NTM: variants seen among roughly 807,000 people sequenced by gnomAD.
NTM encodes IgLON family member 2.
In NTM, 13 loss-of-function variants were observed where a neutral mutation model predicts 42.1. The observed-to-expected ratio is 0.31, with a 90% CI of 0.20 to 0.49. NTM has a LOEUF of 0.49. NTM is among the 20% of genes least tolerant of loss of function. The pLI is 0.99. For missense variants in NTM, 373 were observed against 452.8 expected (o/e 0.82, Z 1.60); for synonymous variants, 187 against 179.2 (o/e 1.04, Z -0.35).
intron 3 of NTM, among the ~76,000 whole-genome samples, chr11:132,183,743 G>C (rs951554016): frequency 1.3e-5 from 2 of 152,142 alleles, no homozygotes; most frequent in African/African-American, 2.4e-5. Context: ...GGTGTAAAGT[G>C]CTTCCATTCC....
chr11:131,691,011 T>C (rs1286614573), intron 1 of NTM, among the ~76,000 whole-genome samples: 3 of 152,008 alleles, frequency 2.0e-5, no homozygotes, highest in African/African-American at 4.8e-5. Context: ...CTTTGATCAC[T>C]CAGCGGGGCC....
intron 1 of NTM, among the ~76,000 whole-genome samples, chr11:131,415,281 C>T (rs1354483225): frequency 6.6e-6 from 1 of 151,850 alleles, no homozygotes. Context: ...TGAGTTTGCT[C>T]TGGAAGAAAC....
chr11:131,474,318 C>A (rs986419456), intron 1 of NTM, among the ~76,000 whole-genome samples: 4 of 152,114 alleles, frequency 2.6e-5, no homozygotes, highest in Non-Finnish European at 5.9e-5. Flanking sequence ...CCCAGTTTTC[C>A]TCTTACAGGG....
intron 1 of NTM, among the ~76,000 whole-genome samples, chr11:131,526,748 A>G (rs572271002): frequency 6.6e-6 from 1 of 152,232 alleles, no homozygotes; most frequent in African/African-American, 2.4e-5. Flanking sequence ...TCTCCACCAC[A>G]GTGGCATTTA....
chr11:131,500,573 ATATATTTTTTTTTTTTTT>A (rs1459208279), intron 1 of NTM, among the ~76,000 whole-genome samples: 23 of 39,760 alleles, frequency 5.8e-4, no homozygotes, highest in African/African-American at 1.6e-3. Flanking sequence ...ATATATATAT[ATATATTTTTTTTTTTTTT>A]TTTTGTATTA....
In NTM at chr11:131,996,235, G is replaced by T. The variant is rs2067990160; in HGVS notation, c.167+84587G>T. 4.6e-5 allele frequency among the ~76,000 whole-genome samples: 7 copies of T among 152,140 alleles called. No individual in the cohort carries two copies. In the South Asian group the frequency reaches 1.0e-3, roughly 23 times the overall value. Reference sequence around the variant, plus strand: ...GATGCTAAGGGTTGTGAGAGGAATGGATTGGATGAGTCCAAAAGTTAAGGA... The same window carrying T: ...GATGCTAAGGGTTGTGAGAGGAATGTATTGGATGAGTCCAAAAGTTAAGGA... On this transcript the variant is annotated intron_variant, in intron 2 of 8. Coordinates refer to ENST00000683400, the MANE Select transcript of NTM (RefSeq NM_001352005.2).
intron 1 of NTM, among the ~76,000 whole-genome samples, chr11:131,680,798 T>A (rs2134802282): frequency 1.8e-3 from 1 of 556 alleles, no homozygotes; most frequent in Non-Finnish European, 3.3e-3. Context: ...TGTGTGTGTG[T>A]GTGTGTGTGT....
At chr11:131,574,301 T>C (rs77637466) in intron 1 of NTM, among the ~76,000 whole-genome samples, 5,867 of 152,278 alleles carry the variant, frequency 0.039, 338 homozygotes, top group African/African-American at 0.13. Context: ...AGCTAAAAGC[T>C]GCCCTGAGTG....
At chr11:131,783,690 A>G (rs1362697306) in intron 1 of NTM, among the ~76,000 whole-genome samples, 2 of 152,066 alleles carry the variant, frequency 1.3e-5, no homozygotes, top group African/African-American at 4.8e-5. Context: ...CAACTTCTAG[A>G]AAAAAAATAC....
intron 4 of NTM, among the ~76,000 whole-genome samples, chr11:132,268,799 T>A (rs1430273702): frequency 6.6e-6 from 1 of 152,044 alleles, no homozygotes; most frequent in Non-Finnish European, 1.5e-5. Flanking sequence ...AAAAGTCCAG[T>A]TTGCTATGAG....
At chr11:131,455,394 C>T (rs1383646345) in intron 1 of NTM, 1 of 152,272 alleles carries the variant, frequency 6.6e-6, no homozygotes, top group African/African-American at 2.4e-5. Flanking sequence ...GACCACTGAG[C>T]TCAAGTTCTG....
chr11:132,228,427 G>A (rs1051086114), intron 4 of NTM, among the ~76,000 whole-genome samples: 1 of 152,158 alleles, frequency 6.6e-6, no homozygotes. Context: ...GCTTCCAGGT[G>A]ACTTCCTGGG....
intron 2 of NTM, among the ~76,000 whole-genome samples, chr11:131,970,277 C>T (rs1423724039): frequency 2.0e-5 from 3 of 152,138 alleles, no homozygotes; most frequent in Non-Finnish European, 4.4e-5. Flanking sequence ...TCAGCTTGTG[C>T]TAGTCTTGGG....
intron 2 of NTM, among the ~76,000 whole-genome samples, chr11:132,119,418 C>T (rs1029074009): frequency 2.0e-4 from 31 of 152,080 alleles, no homozygotes; most frequent in African/African-American, 6.8e-4. Flanking sequence ...GAGCTGGGGT[C>T]GCAGCAGCAG....
intron 1 of NTM, among the ~76,000 whole-genome samples, chr11:131,390,719 G>C (rs1367501403): frequency 6.6e-6 from 1 of 152,118 alleles, no homozygotes. Flanking sequence ...GGTTCTCAAA[G>C]TGTGGTCCCT....
chr11:131,628,929 G>A (rs1292690232), intron 1 of NTM, among the ~76,000 whole-genome samples: 2 of 152,260 alleles, frequency 1.3e-5, no homozygotes, highest in Non-Finnish European at 2.9e-5. Context: ...AGTGTGGCAG[G>A]AGATGGGCAT....
At position 132,327,778 on chromosome 11, in the gene NTM, C is replaced by T. The variant is rs184953812; in HGVS notation, c.935-2375C>T. Among the ~76,000 whole-genome samples the T allele has an allele frequency of 1.1e-4, 17 of 151,900 alleles. No individual in the cohort carries two copies. In the East Asian group the frequency reaches 2.1e-3, roughly 19 times the overall value. On this transcript the variant is annotated intron_variant, in intron 7 of 8. Coordinates refer to ENST00000683400, the MANE Select transcript of NTM (RefSeq NM_001352005.2). ...TTCTTCTTGTTGTATTTTCTGTCCC[C>T]CTCTCCCCTTTCCTCTCTCCCTTTC...
Position 132,031,684 on chromosome 11 carries a change from G to A in NTM, c.168-114598G>A, listed in dbSNP as rs553993452. Among the ~76,000 whole-genome samples, 18 of 152,226 alleles carry A rather than the reference G, an allele frequency of 1.2e-4. No individual in the cohort carries two copies. In the South Asian group the frequency reaches 1.5e-3, roughly 12 times the overall value. On this transcript the variant is annotated intron_variant, in intron 2 of 8. Coordinates refer to ENST00000683400, the MANE Select transcript of NTM (RefSeq NM_001352005.2). Reference sequence around the variant, plus strand: ...GCTTGAGATACCTCTTAGGCTTTGCGTACAGATACCAAGTAGTCAGTTGTA... The same window carrying A: ...GCTTGAGATACCTCTTAGGCTTTGCATACAGATACCAAGTAGTCAGTTGTA...
intron 4 of NTM, among the ~76,000 whole-genome samples, chr11:132,228,225 C>T (rs2086724591): frequency 6.6e-6 from 1 of 152,164 alleles, no homozygotes; most frequent in African/African-American, 2.4e-5. Flanking sequence ...GGGAAAATAC[C>T]TCTGCTCTAC....
Sources: allele counts gnomAD v4.1 joint callset (sites outside exome capture counted in the v4.1 genomes callset), GRCh38; gene constraint gnomAD v4.1.1; transcripts MANE v1.5; gene names NCBI Gene and HGNC (gene_info 2026-07-23, HGNC 2026-07-21).